PPP1R42: variants seen among roughly 807,000 people sequenced by gnomAD.
The protein encoded by PPP1R42 is protein phosphatase 1 regulatory subunit 42, also known as leucine rich repeat containing 67.
In PPP1R42, 34 loss-of-function variants were observed where a neutral mutation model predicts 31.0. That is an observed-to-expected ratio of 1.10 (90% CI 0.83 to 1.46). The LOEUF (loss-of-function observed/expected upper bound fraction) is 1.46, where lower values mean the gene tolerates loss of function less well. Among genes scored for constraint, PPP1R42 ranks in the 40% most tolerant of loss-of-function variants. The probability of loss-of-function intolerance (pLI) is 0.00; values close to 1 mark genes in which losing one functional copy is unlikely to be tolerated. For missense variants in PPP1R42, 268 were observed against 303.0 expected, an observed-to-expected ratio of 0.88 and a Z score of 0.86; for synonymous variants, 103 against 109.8, an observed-to-expected ratio of 0.94 and a Z score of 0.39.
At chr8:66,996,871 G>T (rs1229072097) in intron 5 of PPP1R42, among the ~76,000 whole-genome samples, 1 of 152,068 alleles carries the variant, frequency 6.6e-6, no homozygotes, top group Non-Finnish European at 1.5e-5. Context: ...GGAATTTTTG[G>T]CTGGGCACGG....
intron 1 of PPP1R42, among the ~76,000 whole-genome samples, chr8:67,026,004 CAAAAAAAA>C (rs534627312): frequency 1.2e-5 from 1 of 82,814 alleles, no homozygotes; most frequent in Non-Finnish European, 2.5e-5. Context: ...GACTCCGTCT[CAAAAAAAA>C]AAAAAAAGAA....
In PPP1R42 at chr8:66,982,216, T is replaced by A. The variant is rs775322903; in HGVS notation, c.671-36A>T. ...ATACATACATTTAAAAAATACAATA[T>A]ATACATATAAACATAAGTCAAAATA... On this transcript the variant is annotated intron_variant, in intron 6 of 7. Coordinates refer to ENST00000685739, the MANE Select transcript of PPP1R42 (RefSeq NM_001364910.1). 8 of 1,095,628 alleles carry A rather than the reference T, an allele frequency of 7.3e-6. 1 individual carries two copies. Among genetic ancestry groups the A allele is most frequent in the Non-Finnish European group, 9.7e-6 (8 of 823,096 alleles). The allele number at this position is 1,095,628 out of a possible 1,614,324, so 67.9% of individuals were successfully genotyped here. A position where few individuals can be genotyped will look rare whatever the true frequency, so the allele number is the denominator to read the frequency against.
chr8:66,984,181 T>G, intron 6 of PPP1R42: 1 of 1,584,338 alleles, frequency 6.3e-7, no homozygotes, highest in Non-Finnish European at 8.7e-7. Flanking sequence ...GTCCCAGTAA[T>G]GTTCAGCCCC....
intron 5 of PPP1R42, among the ~76,000 whole-genome samples, chr8:67,010,439 G>C (rs984588350): frequency 2.0e-5 from 3 of 152,128 alleles, no homozygotes; most frequent in African/African-American, 7.2e-5. Context: ...GAAAAAGTTT[G>C]ATGGGAAAAT....
At chr8:66,985,657 T>G in intron 6 of PPP1R42, 1 of 1,334,570 alleles carries the variant, frequency 7.5e-7, no homozygotes. Context: ...AGTGGCACCC[T>G]GGGAGGGCTG....
chr8:66,988,508 A>T lies in PPP1R42; in HGVS notation c.562T>A (p.Phe188Ile). ...AGCTTCATCAACTTGTTCAGTAAAAACTCCAAATCCTATAATTAGAGAAGA... is the reference window on the plus strand; with the variant it reads ...AGCTTCATCAACTTGTTCAGTAAAATCTCCAAATCCTATAATTAGAGAAGA... Reference protein sequence around the residue: ...NQLLHVKDLEFLLNKLMKLWK... With the variant: ...NQLLHVKDLEILLNKLMKLWK... The change falls in exon 6 of 8, where the codon TTT (phenylalanine) becomes ATT (isoleucine). Residue 188 changes from phenylalanine (F) to isoleucine (I), a missense_variant. Phe to Ile is a conservative substitution (Grantham distance 21). Transcript: ENST00000685739. 3.1e-6 allele frequency: 5 copies of T among 1,601,316 alleles called. No individual in the cohort carries two copies. The highest frequency in any genetic ancestry group is 4.3e-6 in the Non-Finnish European group (5 of 1,176,394).
intron 6 of PPP1R42, chr8:66,984,484 A>G: frequency 1.6e-6 from 2 of 1,264,480 alleles, no homozygotes. Context: ...TATCAGGTAC[A>G]GTTGCCCAGC....
At position 67,014,430 on chromosome 8, in the gene PPP1R42, T is replaced by G; in HGVS notation, c.292A>C (p.Lys98Gln). Residue 98 changes from lysine (K) to glutamine (Q), a missense_variant, in exon 3 of 8, where the codon AAA (lysine) becomes CAA (glutamine). Transcript: ENST00000685739. ...TTAAAAAATAAAAGCACTTACAGTT[T>G]TTCCAGTTTCTTTAATGACCTGAGG... Reference protein sequence around the residue: ...ENLRSLKKLEKLYLGGNYIAV... With the variant: ...ENLRSLKKLEQLYLGGNYIAV... 3 of 1,487,596 alleles carry G rather than the reference T, an allele frequency of 2.0e-6. No homozygotes were observed. The highest frequency in any genetic ancestry group is 2.7e-6 in the Non-Finnish European group (3 of 1,115,452). 92.1% of individuals were successfully genotyped at this position (1,487,596 alleles called of 1,614,324 possible).
At chr8:67,003,121 G>A (rs1197665109) in intron 5 of PPP1R42, among the ~76,000 whole-genome samples, 2 of 137,172 alleles carry the variant, frequency 1.5e-5, no homozygotes, top group Non-Finnish European at 3.0e-5. Context: ...AGCTGAGATC[G>A]CACCATTGCA....
chr8:66,994,376 T>G (rs912681827), intron 5 of PPP1R42, among the ~76,000 whole-genome samples: 3 of 152,196 alleles, frequency 2.0e-5, no homozygotes, highest in Non-Finnish European at 2.9e-5. Flanking sequence ...TTCTCTCTTT[T>G]CTTTCCACAG....
At chr8:66,999,478 C>T (rs953486075) in intron 5 of PPP1R42, among the ~76,000 whole-genome samples, 15 of 152,180 alleles carry the variant, frequency 9.9e-5, no homozygotes, top group Admixed American at 9.2e-4. Flanking sequence ...GCCTTGGCCT[C>T]CCAAAGTGTT....
At chr8:67,024,935 A>ATT (rs111426449) in intron 1 of PPP1R42, among the ~76,000 whole-genome samples, 62 of 133,814 alleles carry the variant, frequency 4.6e-4, no homozygotes, top group African/African-American at 1.2e-3. Context: ...TAGGATTTTA[A>ATT]TTTTTTTTTT....
intron 7 of PPP1R42, among the ~76,000 whole-genome samples, chr8:66,966,477 C>T (rs954231243): frequency 3.3e-5 from 5 of 152,076 alleles, no homozygotes; most frequent in African/African-American, 9.7e-5. Flanking sequence ...AAAAGAGTTC[C>T]GTTGTCTTTT....
intron 7 of PPP1R42, among the ~76,000 whole-genome samples, chr8:66,972,210 A>C (rs1364489474): frequency 6.6e-6 from 1 of 152,182 alleles, no homozygotes; most frequent in Admixed American, 6.5e-5. Flanking sequence ...CACTGCTTTT[A>C]AGCCTGAGAG....
chr8:66,969,509 A>G (rs894924958), intron 7 of PPP1R42, among the ~76,000 whole-genome samples: 1 of 152,206 alleles, frequency 6.6e-6, no homozygotes, highest in Admixed American at 6.5e-5. Context: ...CTCCCTGCAT[A>G]TCCTTTCACT....
chr8:66,991,991 C>T (rs1023021546), intron 5 of PPP1R42, among the ~76,000 whole-genome samples: 2 of 152,192 alleles, frequency 1.3e-5, no homozygotes, highest in South Asian at 2.1e-4. Flanking sequence ...GTGTGGATAA[C>T]AGCTGGTTGC....
chr8:66,970,699 A>G, intron 7 of PPP1R42: 1 of 406,700 alleles, frequency 2.5e-6, no homozygotes, highest in South Asian at 1.9e-5. Flanking sequence ...ATCTTTACCT[A>G]CTGCCTCTGG....
intron 1 of PPP1R42, among the ~76,000 whole-genome samples, chr8:67,025,430 T>G (rs577821270): frequency 6.6e-6 from 1 of 152,236 alleles, no homozygotes; most frequent in East Asian, 1.9e-4. Context: ...GAGTTTTTAC[T>G]TCAGGCTCTG....
At chr8:66,988,343 A>G (rs764002660) in intron 6 of PPP1R42, 57 bp downstream of exon 6, 1 of 1,302,516 alleles carries the variant, frequency 7.7e-7, no homozygotes, top group Non-Finnish European at 9.8e-7. Flanking sequence ...TGGTAAAATA[A>G]CCAAAAAGTT....
Sources: allele counts gnomAD v4.1 joint callset (sites outside exome capture counted in the v4.1 genomes callset), GRCh38; gene constraint gnomAD v4.1.1; transcripts MANE v1.5; gene names NCBI Gene and HGNC (gene_info 2026-07-23, HGNC 2026-07-21).